Variants in PNPT1 observed in about 807,000 individuals in gnomAD.
PNPT1 encodes polyribonucleotide nucleotidyltransferase 1, mitochondrial.
PNPT1 carries 53 observed loss-of-function variants against 119.5 expected under a neutral mutation model. The ratio of observed to expected loss-of-function variants is 0.44; its 90% CI spans 0.36 to 0.56. The LOEUF (loss-of-function observed/expected upper bound fraction) is 0.56. PNPT1 is among the 20% of genes least tolerant of loss of function. The probability of loss-of-function intolerance (pLI) is 0.00; values close to 1 mark genes in which losing one functional copy is unlikely to be tolerated. For missense variants in PNPT1, 948 were observed against 938.5 expected (o/e 1.01, Z -0.13); for synonymous variants, 357 against 322.1 (o/e 1.11, Z -1.16).
chr2:55,670,238 G>A (rs1468997738), intron 11 of PNPT1, among the ~76,000 whole-genome samples: 1 of 152,008 alleles, frequency 6.6e-6, no homozygotes, highest in Non-Finnish European at 1.5e-5. Context: ...CCAAGCTGGA[G>A]TGCAGTGGCG....
At chr2:55,638,569 A>C (rs1015039964) in intron 26 of PNPT1, among the ~76,000 whole-genome samples, 3 of 151,914 alleles carry the variant, frequency 2.0e-5, no homozygotes, top group South Asian at 4.2e-4. Flanking sequence ...GAATCACTTG[A>C]GCCTGGGAGG....
intron 13 of PNPT1, among the ~76,000 whole-genome samples, chr2:55,666,294 G>C (rs1408605615): frequency 6.6e-6 from 1 of 152,032 alleles, no homozygotes; most frequent in East Asian, 1.9e-4. Context: ...GGTCTGGCTT[G>C]GTAGTCCAGG....
At chr2:55,672,857 A>G (rs562002939) in intron 9 of PNPT1, 36 bp downstream of exon 9, 4 of 1,535,488 alleles carry the variant, frequency 2.6e-6, no homozygotes, top group Non-Finnish European at 3.5e-6. Flanking sequence ...AAATCTGATG[A>G]CAATTTCATA....
Position 55,645,337 on chromosome 2 carries a change from T to G in PNPT1, c.1822+12A>C. ...CCGCGCCCAGCCGATCACTAAAATTTTAATGTATTACCTACAACAGGTCCA... is the reference window on the plus strand; with the variant it reads ...CCGCGCCCAGCCGATCACTAAAATTGTAATGTATTACCTACAACAGGTCCA... On this transcript the variant is annotated intron_variant, in intron 22 of 27. Coordinates refer to ENST00000447944, the MANE Select transcript of PNPT1 (RefSeq NM_033109.5). 4 of 1,587,024 alleles carry G rather than the reference T, an allele frequency of 2.5e-6. No homozygotes were observed. Among genetic ancestry groups the G allele is most frequent in the Non-Finnish European group, 3.5e-6 (4 of 1,158,276 alleles).
intron 1 of PNPT1, among the ~76,000 whole-genome samples, chr2:55,690,154 G>A (rs1697545222): frequency 6.6e-6 from 1 of 152,170 alleles, no homozygotes; most frequent in African/African-American, 2.4e-5. Flanking sequence ...TGTATGGTAT[G>A]TGAATTATAT....
At chr2:55,647,597 G>A (rs1314076309) in intron 18 of PNPT1, 144 bp from the exon 19 acceptor site, 7 of 534,746 alleles carry the variant, frequency 1.3e-5, no homozygotes, top group Non-Finnish European at 3.2e-6. Flanking sequence ...TTGGCTCACT[G>A]TAGCCTCTGC....
chr2:55,634,581 G>C lies in PNPT1; in HGVS notation c.*1656C>G, dbSNP rs1695608258. 1 of 142,998 alleles carries C rather than the reference G, an allele frequency of 7.0e-6. No individual in the cohort carries two copies. The allele number at this position is 142,998 out of a possible 1,614,324, so 8.9% of individuals were successfully genotyped here. ...CCACCATTTTTTTTTTTGAGATGGAGTTTTACTCTTTTTGCCCAGGCTGGA... is the reference window on the plus strand; with the variant it reads ...CCACCATTTTTTTTTTTGAGATGGACTTTTACTCTTTTTGCCCAGGCTGGA... On this transcript the variant is annotated 3_prime_UTR_variant, in exon 28 of 28. Transcript: ENST00000447944.
At position 55,680,906 on chromosome 2, in the gene PNPT1, G is replaced by C. The variant is rs779832293; in HGVS notation, c.466C>G (p.Leu156Val). 6.8e-6 allele frequency: 11 copies of C among 1,613,682 alleles called. No individual in the cohort carries two copies. The Admixed American group carries it at 1.0e-4, about 15-fold the overall frequency. Reference protein sequence around the residue: ...YFYDTQVLCNLLAVDGVNEPD... With the variant: ...YFYDTQVLCNVLAVDGVNEPD... ...TCATTTACACCATCTACTGCTAACA[G>C]ATTACACAGAACCTGGTAAAAGGGA... Residue 156 changes from leucine (L) to valine (V), a missense_variant, in exon 6 of 28, where the codon CTG becomes GTG. Transcript: ENST00000447944.
chr2:55,638,076 C>A (rs1331034311), intron 26 of PNPT1, among the ~76,000 whole-genome samples: 1 of 149,070 alleles, frequency 6.7e-6, no homozygotes, highest in African/African-American at 2.5e-5. Flanking sequence ...CTGGGGCAGG[C>A]AGATCACTTG....
Position 55,679,808 on chromosome 2 carries a change from A to G in PNPT1, c.566-13T>C, listed in dbSNP as rs770896589. 6.4e-7 allele frequency: 1 copy of G among 1,553,848 alleles called. No individual in the cohort carries two copies. Among genetic ancestry groups the G allele is most frequent in the South Asian group, 1.2e-5 (1 of 86,146 alleles). On this transcript the variant is annotated splice_polypyrimidine_tract_variant and intron_variant, in intron 7 of 27. Coordinates refer to ENST00000447944, the MANE Select transcript of PNPT1 (RefSeq NM_033109.5). ...ATTCGTACTGCCCCTAAAATGTATT[A>G]GAATATTGGCAACTGTTTAATGGAA...
chr2:55,650,255 G>A (rs1233989167), intron 18 of PNPT1, among the ~76,000 whole-genome samples: 1 of 152,154 alleles, frequency 6.6e-6, no homozygotes, highest in Non-Finnish European at 1.5e-5. Context: ...TGATTCTCCT[G>A]CCTCAGCCTG....
At chr2:55,652,068 TTAA>T (rs1696229470) in intron 18 of PNPT1, among the ~76,000 whole-genome samples, 1 of 152,188 alleles carries the variant, frequency 6.6e-6, no homozygotes, top group Non-Finnish European at 1.5e-5. Context: ...TACTCAGCCT[TTAA>T]AATCAGATGA....
chr2:55,656,448 AAAC>A (rs761336477), intron 15 of PNPT1, 77 bp from the exon 16 acceptor site: 4 of 1,302,832 alleles, frequency 3.1e-6, no homozygotes, highest in Non-Finnish European at 4.3e-6. Flanking sequence ...CAAAATAATA[AAAC>A]AACTTATAGA....
intron 19 of PNPT1, among the ~76,000 whole-genome samples, 194 bp downstream of exon 19, chr2:55,647,153 A>G (rs1222721777): frequency 1.2e-4 from 19 of 152,266 alleles, no homozygotes; most frequent in South Asian, 2.1e-4. Context: ...TTCATATCCT[A>G]TAAGATACAA....
chr2:55,680,855 C>T lies in PNPT1; in HGVS notation c.517G>A (p.Ala173Thr), dbSNP rs774425075. Reference sequence around the variant, plus strand: ...TTTTAATCTCTACTTTTATACTTACCGCCATTAATTGCTAGGACATCAGGC... The same window carrying T: ...TTTTAATCTCTACTTTTATACTTACTGCCATTAATTGCTAGGACATCAGGC... ...NEPDVLAING[A>T]SVALSLSDIP... The change falls in exon 6 of 28, where the codon GCT (alanine) becomes ACT (threonine). Residue 173 changes from alanine (A) to threonine (T), a missense_variant and splice_region_variant. Coordinates refer to ENST00000447944, the MANE Select transcript of PNPT1 (RefSeq NM_033109.5). 4.8e-5 allele frequency: 78 copies of T among 1,613,414 alleles called. No individual in the cohort carries two copies. In the South Asian group the frequency reaches 6.5e-4, roughly 13 times the overall value.
chr2:55,649,025 T>C (rs1346477733), intron 18 of PNPT1, among the ~76,000 whole-genome samples: 1 of 152,190 alleles, frequency 6.6e-6, no homozygotes. Flanking sequence ...CCATCTATAA[T>C]GTTGATGACT....
Position 55,656,172 on chromosome 2 carries a change from G to T in PNPT1, c.1400C>A (p.Pro467His). 1.9e-6 allele frequency: 3 copies of T among 1,613,354 alleles called. No homozygotes were observed. The highest frequency in any genetic ancestry group is 2.5e-6 in the Non-Finnish European group (3 of 1,179,626). The part of the protein sequence containing the change: ...ALYPVIPRDF[P>H]FTIRVTSEVL... ...TTCAGATGTAACTCTTATGGTGAAAGGAAAATCTCGGGGAATAACAGGATA... is the reference window on the plus strand; with the variant it reads ...TTCAGATGTAACTCTTATGGTGAAATGAAAATCTCGGGGAATAACAGGATA... The change falls in exon 17 of 28, where the codon CCT becomes CAT. Residue 467 changes from proline to histidine, a missense_variant. Transcript: ENST00000447944.
At chr2:55,653,896 C>T (rs551929698) in intron 18 of PNPT1, among the ~76,000 whole-genome samples, 64 of 152,174 alleles carry the variant, frequency 4.2e-4, no homozygotes, top group Admixed American at 8.5e-4. Flanking sequence ...TCTTTAGTGT[C>T]TTTAGGTTCC....
Position 55,646,460 on chromosome 2 carries a change from C to A in PNPT1, c.1629G>T (p.Met543Ile). ...TATTAGTGCCAGCTATTTTGAAGTC[C>A]ATGTCACCATTGTAATCTTCAATTC... ...ILGIEDYNGD[M>I]DFKIAGTNKG... Residue 543 changes from methionine (M) to isoleucine (I), a missense_variant, in exon 20 of 28, where the codon ATG (methionine) becomes ATT (isoleucine). Physicochemically the swap from Met to Ile is conservative, Grantham distance 10. Coordinates refer to ENST00000447944, the MANE Select transcript of PNPT1 (RefSeq NM_033109.5). 6.2e-7 allele frequency: 1 copy of A among 1,612,452 alleles called. No homozygotes were observed. Among genetic ancestry groups the A allele is most frequent in the Non-Finnish European group, 8.5e-7 (1 of 1,179,470 alleles).
Sources: gnomAD v4.1 joint callset for allele counts (sites outside exome capture counted in the v4.1 genomes callset) on GRCh38, gnomAD v4.1.1 for gene constraint, MANE v1.5 for transcripts, NCBI Gene and HGNC (gene_info 2026-07-23, HGNC 2026-07-21) for gene names.